Variants in GYS2 observed in about 807,000 individuals in gnomAD.
GYS2 encodes the protein glycogen [starch] synthase, liver.
In GYS2, 80 loss-of-function variants were observed where a neutral mutation model predicts 85.6. The observed-to-expected ratio is 0.93, with a 90% confidence interval of 0.78 to 1.13. GYS2 has a LOEUF of 1.13. GYS2 is among the 50% of genes most tolerant of loss of function. The pLI is 0.00. For missense variants in GYS2, 881 were observed against 854.9 expected (o/e 1.03, Z -0.38); for synonymous variants, 328 against 300.7 (o/e 1.09, Z -0.94).
chr12:21,579,349 CTTTTTTTTTT>C (rs58750123), intron 2 of GYS2, among the ~76,000 whole-genome samples: 2 of 88,700 alleles, frequency 2.3e-5, no homozygotes, highest in South Asian at 4.3e-4. Flanking sequence ...CTTACTTCTT[CTTTTTTTTTT>C]TTTTTTTTTT....
In GYS2 at chr12:21,602,707, C is replaced by T. The variant is rs11832880; in HGVS notation, c.121+1765G>A. Among the ~76,000 whole-genome samples, 1,387 of 151,920 alleles carry T rather than the reference C, an allele frequency of 9.1e-3. 25 individuals carry two copies. The highest frequency in any genetic ancestry group is 0.031 in the African/African-American group (1,302 of 41,428). ...AAACAAATTTTTTCAAAAAAAAATC[C>T]ATTGAGCATTTTCTATGTACCAGGC... On this transcript the variant is annotated intron_variant, in intron 1 of 15. Transcript: ENST00000261195.
intron 5 of GYS2, among the ~76,000 whole-genome samples, chr12:21,563,565 T>C (rs1451457880): frequency 6.6e-6 from 1 of 152,162 alleles, no homozygotes; most frequent in Non-Finnish European, 1.5e-5. Context: ...CAGAAATGCC[T>C]GACCAAAATA....
At position 21,574,288 on chromosome 12, in the gene GYS2, T is replaced by C. The variant is rs750100480; in HGVS notation, c.534A>G (p.Gln178=). The part of the protein sequence containing the change: ...DHADGKYVVA[Q]FHEWQAGIGL... ...CAATTCCAGCCTGCCATTCATGGAA[T>C]TGGGCAACGACATATTTACCATCTG... The change falls in exon 4 of 16, where the codon CAA becomes CAG. Residue 178 remains glutamine, a synonymous_variant. Transcript: ENST00000261195. The C allele has an allele frequency of 2.2e-5, 35 of 1,613,898 alleles. 1 individual carries two copies. Among genetic ancestry groups the C allele is most frequent in the South Asian group, 5.5e-5 (5 of 91,082 alleles).
At chr12:21,558,436 A>G (rs1944209970) in intron 10 of GYS2, 123 bp from the exon 11 acceptor site, 3 of 695,358 alleles carry the variant, frequency 4.3e-6, no homozygotes, top group Admixed American at 2.1e-5. Context: ...AGATGGCACT[A>G]ATGATGATGA....
chr12:21,555,278 A>C lies in GYS2; in HGVS notation c.1422+2922T>G, dbSNP rs183820085. On this transcript the variant is annotated intron_variant, in intron 11 of 15. Transcript: ENST00000261195. ...AGTATAAGTCTCTGTGGATATAATAATACTAAAAAATCTAAGGGATAGATT... is the reference window on the plus strand; with the variant it reads ...AGTATAAGTCTCTGTGGATATAATACTACTAAAAAATCTAAGGGATAGATT... Among the ~76,000 whole-genome samples the C allele has an allele frequency of 3.5e-4, 53 of 152,264 alleles. No homozygotes were observed. In the East Asian group the frequency reaches 9.7e-3, roughly 28 times the overall value.
chr12:21,563,103 G>T, intron 6 of GYS2, 65 bp from the exon 7 acceptor site: 7 of 1,309,634 alleles, frequency 5.3e-6, no homozygotes, highest in Non-Finnish European at 7.8e-6. Flanking sequence ...ATGTACACAT[G>T]AATTCTGTTA....
At position 21,571,146 on chromosome 12, in the gene GYS2, C is replaced by G. The variant is rs149751755; in HGVS notation, c.679-2137G>C. On this transcript the variant is annotated intron_variant, in intron 4 of 15. Transcript: ENST00000261195. ...AAATACAGAGGCAGGATAGCAAGAG[C>G]CTGGAGACCCCGTGAGAGGCCTTGG... is the stretch of plus-strand genomic sequence containing the variant. 7.9e-5 allele frequency among the ~76,000 whole-genome samples: 12 copies of G among 152,258 alleles called. No homozygotes were observed. The East Asian group carries it at 2.3e-3, about 29-fold the overall frequency.
At chr12:21,589,919 T>A (rs139900252) in intron 1 of GYS2, among the ~76,000 whole-genome samples, 4 of 152,170 alleles carry the variant, frequency 2.6e-5, no homozygotes, top group Non-Finnish European at 2.9e-5. Context: ...ATCATCTGCA[T>A]CTCTACATCC....
At chr12:21,587,143 C>T (rs1237561610) in intron 1 of GYS2, among the ~76,000 whole-genome samples, 1 of 152,062 alleles carries the variant, frequency 6.6e-6, no homozygotes, top group African/African-American at 2.4e-5. Context: ...GATGAGTAAG[C>T]ATAGACATAT....
In GYS2 at chr12:21,574,296, C is replaced by T. The variant is rs752277622; in HGVS notation, c.526G>A (p.Val176Ile). The change falls in exon 4 of 16, where the codon GTT (valine) becomes ATT (isoleucine). Residue 176 changes from valine to isoleucine, a missense_variant. By Grantham distance (29) the Val-to-Ile change is conservative (BLOSUM62 3). Transcript: ENST00000261195. ...VTDHADGKYV[V>I]AQFHEWQAGI... ...GCCTGCCATTCATGGAATTGGGCAA[C>T]GACATATTTACCATCTGCATGATCT... 1.0e-4 allele frequency: 169 copies of T among 1,613,442 alleles called. 3 individuals carry two copies. Among genetic ancestry groups the T allele is most frequent in the South Asian group, 9.6e-4 (87 of 91,060 alleles).
chr12:21,546,921 C>T (rs1334634335), intron 11 of GYS2, among the ~76,000 whole-genome samples: 1 of 152,178 alleles, frequency 6.6e-6, no homozygotes, highest in Non-Finnish European at 1.5e-5. Context: ...TGAAATGGAA[C>T]TAAGGGACAG....
chr12:21,596,635 C>G (rs1270090304), intron 1 of GYS2, among the ~76,000 whole-genome samples: 1 of 152,076 alleles, frequency 6.6e-6, no homozygotes, highest in Non-Finnish European at 1.5e-5. Context: ...AAACCCACAG[C>G]CAACATAATA....
intron 12 of GYS2, among the ~76,000 whole-genome samples, chr12:21,543,692 G>T (rs1425817933): frequency 6.6e-6 from 1 of 152,030 alleles, no homozygotes; most frequent in Non-Finnish European, 1.5e-5. Flanking sequence ...CCATCGTCTA[G>T]GTTTTAAGCC....
intron 12 of GYS2, among the ~76,000 whole-genome samples, chr12:21,545,932 T>C (rs1041453166): frequency 6.6e-6 from 1 of 152,204 alleles, no homozygotes; most frequent in Non-Finnish European, 1.5e-5. Context: ...AAAGAATTAT[T>C]CTAAAATAAT....
chr12:21,582,918 G>A (rs1027737668), intron 1 of GYS2, among the ~76,000 whole-genome samples: 2 of 152,180 alleles, frequency 1.3e-5, no homozygotes, highest in Non-Finnish European at 2.9e-5. Context: ...AAGGAATTTA[G>A]CTACTGTATA....
intron 11 of GYS2, among the ~76,000 whole-genome samples, chr12:21,553,454 C>G (rs1350862784): frequency 6.6e-6 from 1 of 152,192 alleles, no homozygotes; most frequent in Non-Finnish European, 1.5e-5. Context: ...CTGACAGCAC[C>G]AATTGCCTTC....
At chr12:21,579,098 A>T (rs375860865) in intron 2 of GYS2, among the ~76,000 whole-genome samples, 4 of 152,170 alleles carry the variant, frequency 2.6e-5, no homozygotes, top group Admixed American at 2.0e-4. Context: ...ATATTACCAA[A>T]CCCAACAGAC....
chr12:21,563,161 G>A, intron 6 of GYS2, 67 bp downstream of exon 6: 1 of 1,195,856 alleles, frequency 8.4e-7, no homozygotes, highest in Admixed American at 1.7e-5. Flanking sequence ...TTACAATTCT[G>A]TTTTCTCTCT....
intron 3 of GYS2, among the ~76,000 whole-genome samples, chr12:21,574,691 C>T (rs1042176329): frequency 6.6e-6 from 1 of 151,872 alleles, no homozygotes; most frequent in Non-Finnish European, 1.5e-5. Flanking sequence ...TATCACTGAA[C>T]AGCTGAATCA....
Sources: gnomAD v4.1 joint callset for allele counts (sites outside exome capture counted in the v4.1 genomes callset) on GRCh38, gnomAD v4.1.1 for gene constraint, MANE v1.5 for transcripts, NCBI Gene and HGNC (gene_info 2026-07-23, HGNC 2026-07-21) for gene names.